CSMD1: variants seen among roughly 807,000 people sequenced by gnomAD.
The protein encoded by CSMD1 is CUB and Sushi multiple domains 1.
Under a neutral mutation model 417.5 loss-of-function variants are expected in CSMD1, and 213 were observed. The ratio of observed to expected loss-of-function variants is 0.51; its 90% CI spans 0.46 to 0.57. CSMD1 has a LOEUF of 0.57. CSMD1 is among the 20% of genes least tolerant of loss of function. The probability of loss-of-function intolerance (pLI) is 0.00; values close to 1 mark genes in which losing one functional copy is unlikely to be tolerated. For synonymous variants in CSMD1, 2,862 were observed against 1,736.8 expected (o/e 1.65, Z -16.11); for missense variants, 6,923 against 4,529.7 (o/e 1.53, Z -15.17).
intron 3 of CSMD1, among the ~76,000 whole-genome samples, chr8:4,208,248 T>C (rs554047638): frequency 3.9e-5 from 6 of 152,252 alleles, no homozygotes; most frequent in South Asian, 2.1e-4. Context: ...CCTGTTATAA[T>C]TGCCTTCTCG....
chr8:3,162,133 T>C (rs370029666), intron 38 of CSMD1, 26 bp downstream of exon 38: 58 of 1,421,362 alleles, frequency 4.1e-5, no homozygotes, highest in African/African-American at 7.0e-5. Context: ...GTGTATGTTA[T>C]TCCTGAGCAC....
At chr8:3,247,663 G>T in intron 26 of CSMD1, among the ~76,000 whole-genome samples, 1 of 152,152 alleles carries the variant, frequency 6.6e-6, no homozygotes. Flanking sequence ...CCCGCCCCCA[G>T]TTCTAAAATA....
At chr8:3,164,139 ACAGTACCGTGATTGTT>A (rs1370406575) in intron 37 of CSMD1, among the ~76,000 whole-genome samples, 1 of 152,166 alleles carries the variant, frequency 6.6e-6, no homozygotes, top group Non-Finnish European at 1.5e-5. Context: ...TCTTCATCTT[ACAGTACCGTGATTGTT>A]CATTTGAGAA....
At position 4,865,783 on chromosome 8, in the gene CSMD1, T is replaced by A. The variant is rs529157211; in HGVS notation, c.85+128549A>T. ...CCTAGCCCCAAACAAAACCTCAATC[T>A]ATGCATTGCCCAGTTTTTTAAAAGG... On this transcript the variant is annotated intron_variant, in intron 1 of 69. Transcript: ENST00000635120. Among the ~76,000 whole-genome samples, 23 of 151,994 alleles carry A rather than the reference T, an allele frequency of 1.5e-4. No homozygotes were observed. In the East Asian group the frequency reaches 2.5e-3, roughly 17 times the overall value.
intron 3 of CSMD1, among the ~76,000 whole-genome samples, chr8:4,062,772 A>G (rs1799044817): frequency 6.6e-6 from 1 of 152,120 alleles, no homozygotes; most frequent in South Asian, 2.1e-4. Context: ...GCTCAGTAAA[A>G]TCTGATTGTT....
chr8:4,099,732 C>A (rs543881133), intron 3 of CSMD1, among the ~76,000 whole-genome samples: 40 of 152,262 alleles, frequency 2.6e-4, no homozygotes, highest in African/African-American at 7.5e-4. Flanking sequence ...GCTTTCTCCC[C>A]TCCTTAAAAC....
intron 63 of CSMD1, among the ~76,000 whole-genome samples, chr8:2,956,642 G>C (rs1387371887): frequency 6.6e-6 from 1 of 151,764 alleles, no homozygotes; most frequent in Non-Finnish European, 1.5e-5. Flanking sequence ...TTTTTTAGTA[G>C]AGATGGGATT....
At chr8:3,669,528 TTGAA>T (rs1798878045) in intron 7 of CSMD1, among the ~76,000 whole-genome samples, 1 of 152,168 alleles carries the variant, frequency 6.6e-6, no homozygotes, top group Non-Finnish European at 1.5e-5. Flanking sequence ...TTAATGAATC[TTGAA>T]TGGAGAAACC....
intron 3 of CSMD1, among the ~76,000 whole-genome samples, chr8:4,059,597 A>G (rs1292656224): frequency 2.6e-5 from 4 of 152,246 alleles, no homozygotes; most frequent in Admixed American, 2.6e-4. Context: ...GCAATAAAAA[A>G]TGATAAAGGG....
intron 3 of CSMD1, among the ~76,000 whole-genome samples, chr8:4,032,805 G>C (rs1797415963): frequency 6.6e-6 from 1 of 152,106 alleles, no homozygotes; most frequent in African/African-American, 2.4e-5. Flanking sequence ...AAAATTCAAA[G>C]GCCGTCAACC....
chr8:4,754,648 G>A (rs1160703812), intron 1 of CSMD1, among the ~76,000 whole-genome samples: 4 of 151,750 alleles, frequency 2.6e-5, no homozygotes, highest in African/African-American at 9.7e-5. Context: ...TCAGGAGATC[G>A]AGACAATCCT....
intron 3 of CSMD1, among the ~76,000 whole-genome samples, chr8:4,180,438 G>A (rs946542037): frequency 8.8e-6 from 1 of 113,916 alleles, no homozygotes; most frequent in Non-Finnish European, 1.7e-5. Context: ...GGGGTGGGGG[G>A]AGGGGGGAGG....
intron 4 of CSMD1, among the ~76,000 whole-genome samples, chr8:4,022,062 T>A (rs2130508480): frequency 6.6e-6 from 1 of 150,650 alleles, no homozygotes; most frequent in South Asian, 2.1e-4. Flanking sequence ...AATATACAGA[T>A]GAATACATAT....
intron 26 of CSMD1, among the ~76,000 whole-genome samples, chr8:3,247,342 C>A (rs1361522892): frequency 6.6e-6 from 1 of 152,134 alleles, no homozygotes; most frequent in African/African-American, 2.4e-5. Context: ...GCTCCTGGCC[C>A]CCTCCCCGCC....
At chr8:4,191,931 C>T (rs1385322397) in intron 3 of CSMD1, among the ~76,000 whole-genome samples, 2 of 152,174 alleles carry the variant, frequency 1.3e-5, no homozygotes, top group African/African-American at 4.8e-5. Context: ...CACAATTCAG[C>T]TCCCTTAAAC....
At chr8:3,845,762 A>T (rs1401747359) in intron 5 of CSMD1, among the ~76,000 whole-genome samples, 1 of 152,152 alleles carries the variant, frequency 6.6e-6, no homozygotes, top group Non-Finnish European at 1.5e-5. Context: ...AGCTCAGAAC[A>T]TACTTTGTAC....
intron 11 of CSMD1, among the ~76,000 whole-genome samples, chr8:3,487,800 A>T (rs1585238586): frequency 1.3e-5 from 2 of 152,150 alleles, no homozygotes; most frequent in East Asian, 3.9e-4. Flanking sequence ...AATCCCATGG[A>T]ATATTTTGTG....
At chr8:4,017,123 C>G (rs1022426304) in intron 4 of CSMD1, among the ~76,000 whole-genome samples, 1 of 152,194 alleles carries the variant, frequency 6.6e-6, no homozygotes. Context: ...GCTGGACGCT[C>G]TCCATGCAAT....
chr8:4,168,258 G>C (rs78913305), intron 3 of CSMD1, among the ~76,000 whole-genome samples: 5 of 150,902 alleles, frequency 3.3e-5, no homozygotes, highest in Non-Finnish European at 7.4e-5. Flanking sequence ...AGTTGACATG[G>C]TAGGATGCAC....
Sources: gnomAD v4.1 joint callset for allele counts (sites outside exome capture counted in the v4.1 genomes callset) on GRCh38, gnomAD v4.1.1 for gene constraint, MANE v1.5 for transcripts, NCBI Gene and HGNC (gene_info 2026-07-23, HGNC 2026-07-21) for gene names.